The following CRACDL variants were observed in gnomAD, a reference collection of about 807,000 sequenced individuals.
The protein encoded by CRACDL is CRACD like.
A neutral mutation model predicts 70.6 loss-of-function variants in CRACDL; 26 were observed. The ratio of observed to expected loss-of-function variants is 0.37; its 90% CI spans 0.27 to 0.51. The LOEUF (loss-of-function observed/expected upper bound fraction) is 0.51. Ranked by LOEUF, CRACDL falls within the 20% of genes least tolerant of loss-of-function variation. The pLI, the probability that CRACDL is intolerant of heterozygous loss-of-function variation, is 0.94. For missense variants in CRACDL, 1,283 were observed against 1,376.9 expected (o/e 0.93, Z 1.08); for synonymous variants, 618 against 615.2 (o/e 1.00, Z -0.07).
chr2:98,809,944 A>G, intron 7 of CRACDL, among the ~76,000 whole-genome samples: 1 of 152,204 alleles, frequency 6.6e-6, no homozygotes, highest in East Asian at 1.9e-4. Flanking sequence ...ACAAGACTCA[A>G]CTTGCTCAGA....
intron 2 of CRACDL, among the ~76,000 whole-genome samples, chr2:98,841,864 G>A (rs1199009124): frequency 6.6e-6 from 1 of 152,130 alleles, no homozygotes; most frequent in African/African-American, 2.4e-5. Flanking sequence ...CTTTTCCTAA[G>A]GATATTTAGG....
intron 6 of CRACDL, among the ~76,000 whole-genome samples, chr2:98,826,447 C>T (rs984609260): frequency 9.2e-5 from 14 of 152,186 alleles, no homozygotes; most frequent in African/African-American, 3.1e-4. Context: ...AAGAGCACAT[C>T]CATTTACAAA....
chr2:98,929,265 C>CA (rs1709008733), intron 1 of CRACDL, among the ~76,000 whole-genome samples: 1 of 152,214 alleles, frequency 6.6e-6, no homozygotes, highest in Non-Finnish European at 1.5e-5. Context: ...CGGTATTTCC[C>CA]ATGCCGCCTG....
At chr2:98,841,760 T>A (rs1289335150) in intron 2 of CRACDL, among the ~76,000 whole-genome samples, 1 of 152,212 alleles carries the variant, frequency 6.6e-6, no homozygotes, top group African/African-American at 2.4e-5. Flanking sequence ...TAACGTTCTA[T>A]TAAGTTGGTG....
At chr2:98,907,399 C>T (rs993533508) in intron 1 of CRACDL, among the ~76,000 whole-genome samples, 1 of 152,238 alleles carries the variant, frequency 6.6e-6, no homozygotes, top group African/African-American at 2.4e-5. Context: ...CCACAATGTC[C>T]TGGCCAGTAG....
intron 1 of CRACDL, among the ~76,000 whole-genome samples, chr2:98,863,057 A>G (rs1250778137): frequency 6.6e-6 from 1 of 152,130 alleles, no homozygotes; most frequent in Non-Finnish European, 1.5e-5. Context: ...CATTTAGCTC[A>G]ATGAAATCCA....
At chr2:98,892,158 TC>T (rs1455191553) in intron 1 of CRACDL, among the ~76,000 whole-genome samples, 1 of 152,164 alleles carries the variant, frequency 6.6e-6, no homozygotes, top group Non-Finnish European at 1.5e-5. Context: ...AAAGTACTCA[TC>T]CTTTGACCAG....
In CRACDL at chr2:98,821,940, G is replaced by A; in HGVS notation, c.2333C>T (p.Ala778Val). The change falls in exon 7 of 10, where the codon GCG becomes GTG. Residue 778 changes from alanine to valine, a missense_variant. Transcript: ENST00000397899. ...CTCTCCCGGGCCGGCGTCGGGGGGCGCGGGCTGGTGCGGGAGCGTGAAGCT... is the reference window on the plus strand; with the variant it reads ...CTCTCCCGGGCCGGCGTCGGGGGGCACGGGCTGGTGCGGGAGCGTGAAGCT... Reference protein sequence around the residue: ...LQSFTLPHQPAPPDAGPGERE... With the variant: ...LQSFTLPHQPVPPDAGPGERE... 4 of 1,554,912 alleles carry A rather than the reference G, an allele frequency of 2.6e-6. No individual in the cohort carries two copies. The highest frequency in any genetic ancestry group is 2.6e-6 in the Non-Finnish European group (3 of 1,154,172).
In CRACDL at chr2:98,847,783, A is replaced by AG. The variant is rs573416803; in HGVS notation, c.-10-974dup. Among the ~76,000 whole-genome samples the AG allele has an allele frequency of 3.7e-4, 57 of 152,370 alleles. No homozygotes were observed. The East Asian group carries it at 8.5e-3, about 23-fold the overall frequency. On this transcript the variant is annotated intron_variant, in intron 1 of 9. Coordinates refer to ENST00000397899, the MANE Select transcript of CRACDL (RefSeq NM_207362.3). ...GTATGACGAATCCTCACACTTAAAAAGGGGGGCTTGAATATTTAACCAATT... is the reference window on the plus strand; with the variant it reads ...GTATGACGAATCCTCACACTTAAAAAGGGGGGGCTTGAATATTTAACCAATT...
chr2:98,915,798 G>A (rs930999997), intron 1 of CRACDL, among the ~76,000 whole-genome samples: 3 of 152,074 alleles, frequency 2.0e-5, no homozygotes, highest in African/African-American at 7.2e-5. Context: ...CCGAGGCAAG[G>A]CACAAAGGCA....
At chr2:98,805,046 T>C (rs1704229385) in intron 7 of CRACDL, among the ~76,000 whole-genome samples, 1 of 152,178 alleles carries the variant, frequency 6.6e-6, no homozygotes, top group Admixed American at 6.5e-5. Context: ...CTCCAGTGCA[T>C]GGAGACAGGC....
chr2:98,892,909 C>T (rs1427108884), intron 1 of CRACDL, among the ~76,000 whole-genome samples: 1 of 152,170 alleles, frequency 6.6e-6, no homozygotes, highest in African/African-American at 2.4e-5. Context: ...CTCTGTGGCC[C>T]TGCTCTGCCT....
intron 2 of CRACDL, among the ~76,000 whole-genome samples, chr2:98,842,584 C>T (rs1706077638): frequency 6.6e-6 from 1 of 152,120 alleles, no homozygotes; most frequent in Non-Finnish European, 1.5e-5. Flanking sequence ...CTACCTTTAA[C>T]CCCTGGCAAC....
chr2:98,798,973 C>T (rs1703958169), intron 7 of CRACDL, among the ~76,000 whole-genome samples: 1 of 152,198 alleles, frequency 6.6e-6, no homozygotes, highest in African/African-American at 2.4e-5. Context: ...CGTGAGCCAC[C>T]TCCCCTGGCC....
intron 5 of CRACDL, among the ~76,000 whole-genome samples, chr2:98,829,051 A>G (rs1343204017): frequency 2.0e-5 from 3 of 152,292 alleles, no homozygotes; most frequent in Non-Finnish European, 4.4e-5. Context: ...CTCACTGCCT[A>G]GGACTCATGA....
intron 1 of CRACDL, among the ~76,000 whole-genome samples, chr2:98,885,824 AAAT>A (rs1248321237): frequency 1.3e-5 from 2 of 152,216 alleles, no homozygotes; most frequent in Non-Finnish European, 2.9e-5. Context: ...AAAACACTTT[AAAT>A]AATAAAACCA....
intron 1 of CRACDL, among the ~76,000 whole-genome samples, chr2:98,914,228 T>C (rs943602126): frequency 7.2e-5 from 11 of 152,192 alleles, no homozygotes; most frequent in African/African-American, 2.7e-4. Context: ...GAGGTAATTG[T>C]AATTGCAGAC....
chr2:98,830,748 G>A (rs898245701), intron 5 of CRACDL, among the ~76,000 whole-genome samples: 2 of 152,146 alleles, frequency 1.3e-5, no homozygotes, highest in African/African-American at 4.8e-5. Context: ...GGCTGGCCCA[G>A]CCGAGCCAGC....
chr2:98,927,323 C>T (rs1001464543), intron 1 of CRACDL, among the ~76,000 whole-genome samples: 10 of 152,356 alleles, frequency 6.6e-5, no homozygotes, highest in South Asian at 6.2e-4. Context: ...AGCTCTGCAG[C>T]GTCACTCTGC....
Sources: allele counts gnomAD v4.1 joint callset (sites outside exome capture counted in the v4.1 genomes callset), GRCh38; gene constraint gnomAD v4.1.1; transcripts MANE v1.5; gene names NCBI Gene and HGNC (gene_info 2026-07-23, HGNC 2026-07-21).